The following RBM19 variants were observed in gnomAD, a reference collection of about 807,000 sequenced individuals.
RBM19 encodes RNA binding motif protein 19.
A neutral mutation model predicts 116.8 loss-of-function variants in RBM19; 94 were observed. The ratio of observed to expected loss-of-function variants is 0.80; its 90% CI spans 0.68 to 0.95. The LOEUF (loss-of-function observed/expected upper bound fraction) is 0.95. Among genes scored for constraint, RBM19 ranks in the 40% least tolerant of loss-of-function variants. RBM19 has a pLI of 0.00. For missense variants in RBM19, 1,161 were observed against 1,220.7 expected (o/e 0.95, Z 0.73); for synonymous variants, 475 against 494.1 (o/e 0.96, Z 0.51).
intron 23 of RBM19, among the ~76,000 whole-genome samples, chr12:113,832,598 T>C (rs1875523034): frequency 6.6e-6 from 1 of 152,200 alleles, no homozygotes; most frequent in Non-Finnish European, 1.5e-5. Context: ...CCGGGACAGT[T>C]TCCCTCTTTG....
At chr12:113,947,048 G>A (rs967877469) in intron 11 of RBM19, among the ~76,000 whole-genome samples, 1 of 152,186 alleles carries the variant, frequency 6.6e-6, no homozygotes, top group African/African-American at 2.4e-5. Flanking sequence ...TATAGAGATG[G>A]AGAGCAAATT....
chr12:113,944,093 G>GTTTTTTTTT (rs71433305), intron 13 of RBM19, among the ~76,000 whole-genome samples: 1 of 67,668 alleles, frequency 1.5e-5, no homozygotes, highest in African/African-American at 6.3e-5. Flanking sequence ...CCAGATGCAT[G>GTTTTTTTTT]TTTTTTTTTT....
In RBM19 at chr12:113,955,198, G is replaced by C; in HGVS notation, c.854C>G (p.Ala285Gly). ...PEARAETEKP[A>G]NQKEPTTCHT... is the part of the protein sequence containing the mutation. ...GCAGGTGGTGGGTTCCTTCTGGTTT[G>C]CTGGTTTCTCTGTCTGAGTGATCAC... The change falls in exon 7 of 24, where the codon GCA becomes GGA. Residue 285 changes from alanine to glycine, a missense_variant. Coordinates refer to ENST00000261741, the MANE Select transcript of RBM19 (RefSeq NM_016196.4). 6.2e-7 allele frequency: 1 copy of C among 1,614,068 alleles called. No individual in the cohort carries two copies. The highest frequency in any genetic ancestry group is 1.7e-4 in the Middle Eastern group (1 of 6,014).
chr12:113,852,282 C>A (rs999574772), intron 22 of RBM19, among the ~76,000 whole-genome samples: 5 of 152,128 alleles, frequency 3.3e-5, no homozygotes, highest in African/African-American at 1.2e-4. Flanking sequence ...TGAGTCTTGG[C>A]CACAAGGGCT....
chr12:113,909,363 C>T (rs1882286195), intron 21 of RBM19, among the ~76,000 whole-genome samples: 1 of 150,190 alleles, frequency 6.7e-6, no homozygotes, highest in African/African-American at 2.5e-5. Flanking sequence ...TCAAAGGATC[C>T]TCCTGCTTTG....
In RBM19 at chr12:113,966,192, C is replaced by G; in HGVS notation, c.36G>C (p.Gly12=). 6.2e-7 allele frequency: 1 copy of G among 1,614,238 alleles called. No individual in the cohort carries two copies. The highest frequency in any genetic ancestry group is 8.5e-7 in the Non-Finnish European group (1 of 1,180,038). ...TCCCAAGTCCTGCCTCTGCACTCAC[C>G]CCATTCGGGAGATTCTTCACGATCA... ...SRLIVKNLPN[G]MKEERFRQLF... is the part of the protein sequence containing the mutation. Residue 12 remains glycine (G), a splice_region_variant and synonymous_variant, in exon 1 of 24, where the codon GGG becomes GGC. Coordinates refer to ENST00000261741, the MANE Select transcript of RBM19 (RefSeq NM_016196.4).
At chr12:113,948,150 C>G (rs1412331765) in intron 10 of RBM19, among the ~76,000 whole-genome samples, 1 of 152,220 alleles carries the variant, frequency 6.6e-6, no homozygotes, top group Non-Finnish European at 1.5e-5. Flanking sequence ...CAACCTACAT[C>G]TCCAATCCTC....
intron 16 of RBM19, among the ~76,000 whole-genome samples, chr12:113,928,661 G>C (rs57913566): frequency 3.9e-4 from 59 of 149,472 alleles, no homozygotes; most frequent in South Asian, 1.1e-3. Flanking sequence ...GTGTGTGTGT[G>C]TCTGCAGCTC....
chr12:113,835,230 A>C (rs1436004282), intron 23 of RBM19, among the ~76,000 whole-genome samples: 1 of 152,132 alleles, frequency 6.6e-6, no homozygotes, highest in East Asian at 1.9e-4. Flanking sequence ...TAGATGCTCA[A>C]TTAAATTCTA....
intron 21 of RBM19, among the ~76,000 whole-genome samples, chr12:113,881,461 T>C (rs1013366867): frequency 5.3e-5 from 8 of 152,170 alleles, no homozygotes; most frequent in Admixed American, 3.3e-4. Context: ...CTGACTTCTC[T>C]ACTTTTGGGG....
chr12:113,927,863 C>G (rs1178252180), intron 16 of RBM19, among the ~76,000 whole-genome samples: 2 of 152,012 alleles, frequency 1.3e-5, no homozygotes, highest in African/African-American at 4.8e-5. Context: ...TGTTCACAAA[C>G]AAGAGACTAG....
intron 23 of RBM19, 87 bp downstream of exon 23, chr12:113,844,581 C>G: frequency 6.7e-7 from 1 of 1,496,228 alleles, no homozygotes; most frequent in Non-Finnish European, 8.9e-7. Flanking sequence ...CCTGCTGGGT[C>G]GAGGGCAGTT....
chr12:113,876,308 A>G (rs1327003497), intron 21 of RBM19, among the ~76,000 whole-genome samples: 1 of 152,182 alleles, frequency 6.6e-6, no homozygotes, highest in Admixed American at 6.5e-5. Context: ...GGTGGGGGTC[A>G]TGAGTGTGAA....
intron 21 of RBM19, among the ~76,000 whole-genome samples, chr12:113,883,939 T>C (rs1880330407): frequency 1.3e-5 from 2 of 151,864 alleles, no homozygotes; most frequent in Non-Finnish European, 2.9e-5. Context: ...GATACAGAAA[T>C]AGAAATAGAG....
intron 17 of RBM19, 89 bp from the exon 18 acceptor site, chr12:113,924,846 C>T: frequency 9.1e-7 from 1 of 1,103,150 alleles, no homozygotes; most frequent in Non-Finnish European, 1.4e-6. Flanking sequence ...CCAAATTTGC[C>T]ATATGGACAC....
chr12:113,909,595 C>A (rs938902409), intron 21 of RBM19, among the ~76,000 whole-genome samples: 6 of 152,144 alleles, frequency 3.9e-5, no homozygotes, highest in Non-Finnish European at 7.4e-5. Context: ...AGGAAGAAAG[C>A]GAAATCGGGT....
Position 113,825,924 on chromosome 12 carries a change from C to T in RBM19, c.2786-2603G>A, listed in dbSNP as rs756629756. On this transcript the variant is annotated intron_variant, in intron 23 of 23. Coordinates refer to ENST00000261741, the MANE Select transcript of RBM19 (RefSeq NM_016196.4). This position sits in a 1 kb window ranked among gnomAD's most constrained non-coding sequence, Gnocchi z 5.7. ...GTTCCTTTGCTCAAGCCTCCAGGGGCACCATCTCACCTGGGGAAAAGCTAA... is the reference window on the plus strand; with the variant it reads ...GTTCCTTTGCTCAAGCCTCCAGGGGTACCATCTCACCTGGGGAAAAGCTAA... Among the ~76,000 whole-genome samples the T allele has an allele frequency of 1.1e-4, 17 of 152,188 alleles. No homozygotes were observed. Among genetic ancestry groups the T allele is most frequent in the East Asian group, 1.9e-4 (1 of 5,184 alleles).
At chr12:113,946,763 G>T (rs187017245) in intron 11 of RBM19, among the ~76,000 whole-genome samples, 2 of 152,246 alleles carry the variant, frequency 1.3e-5, no homozygotes, top group African/African-American at 2.4e-5. Flanking sequence ...ATCGCATCCT[G>T]TCCCTGCACC....
chr12:113,935,993 G>A (rs150402051), intron 16 of RBM19, among the ~76,000 whole-genome samples: 117 of 151,704 alleles, frequency 7.7e-4, no homozygotes, highest in African/African-American at 2.7e-3. Context: ...CCAAGATCGC[G>A]CACTCCAGCC....
Sources: allele counts gnomAD v4.1 joint callset (sites outside exome capture counted in the v4.1 genomes callset), GRCh38; gene constraint gnomAD v4.1.1; non-coding constraint Gnocchi (gnomAD v3.1); transcripts MANE v1.5; gene names NCBI Gene and HGNC (gene_info 2026-07-23, HGNC 2026-07-21).